ASPH: variants seen among roughly 807,000 people sequenced by gnomAD.
ASPH encodes aspartyl/asparaginyl beta-hydroxylase.
ASPH carries 100 observed loss-of-function variants against 118.4 expected under a neutral mutation model. The ratio of observed to expected loss-of-function variants is 0.84; its 90% CI spans 0.72 to 1.00. The LOEUF is 1.00. ASPH is among the 50% of genes least tolerant of loss of function. The pLI is 0.00. For missense variants in ASPH, 920 were observed against 919.5 expected, an observed-to-expected ratio of 1.00 and a Z score of -0.01; for synonymous variants, 315 against 325.6, an observed-to-expected ratio of 0.97 and a Z score of 0.35.
chr8:61,707,935 G>T (rs1323908104), intron 1 of ASPH, among the ~76,000 whole-genome samples: 2 of 152,104 alleles, frequency 1.3e-5, no homozygotes, highest in Non-Finnish European at 2.9e-5. Context: ...CAAATACATT[G>T]ATTTAATAAT....
At chr8:61,610,554 G>T (rs1410436209) in intron 14 of ASPH, among the ~76,000 whole-genome samples, 1 of 152,224 alleles carries the variant, frequency 6.6e-6, no homozygotes, top group Non-Finnish European at 1.5e-5. Context: ...TAAAACTACT[G>T]TAGCTGTTGA....
chr8:61,700,414 TAA>T (rs1320513876), intron 1 of ASPH, among the ~76,000 whole-genome samples: 1 of 152,150 alleles, frequency 6.6e-6, no homozygotes, highest in African/African-American at 2.4e-5. Flanking sequence ...GACAGACTTT[TAA>T]AAAGAGTGAC....
Position 61,643,452 on chromosome 8 carries a change from C to T in ASPH, c.710-19G>A. On this transcript the variant is annotated intron_variant, in intron 8 of 24. Transcript: ENST00000379454. ...CTGGAATCTAAAAAACAAAAACACA[C>T]CTTTGCCAAACAGGAAAAAACCAAA... is the stretch of plus-strand genomic sequence containing the variant. 6.2e-7 allele frequency: 1 copy of T among 1,600,096 alleles called. No individual in the cohort carries two copies. The highest frequency in any genetic ancestry group is 8.5e-7 in the Non-Finnish European group (1 of 1,178,988).
chr8:61,568,131 C>A (rs1245504788), intron 16 of ASPH, among the ~76,000 whole-genome samples: 1 of 151,866 alleles, frequency 6.6e-6, no homozygotes, highest in Non-Finnish European at 1.5e-5. Context: ...CAAAGTGAGA[C>A]GGGAAGACAA....
chr8:61,699,499 T>C (rs1834736415), intron 1 of ASPH, among the ~76,000 whole-genome samples: 1 of 152,150 alleles, frequency 6.6e-6, no homozygotes, highest in Non-Finnish European at 1.5e-5. Flanking sequence ...ATAAATGAAG[T>C]ATATTATCTC....
In ASPH at chr8:61,638,001, C is replaced by A. The variant is rs1477784606; in HGVS notation, c.835G>T (p.Val279Leu). Residue 279 changes from valine to leucine, a missense_variant and splice_region_variant, in exon 12 of 25, where the codon GTA (valine) becomes TTA (leucine). Val to Leu is a conservative substitution (Grantham distance 32). Coordinates refer to ENST00000379454, the MANE Select transcript of ASPH (RefSeq NM_004318.4). ...LENEGIEITEVTAPPEDNPVE... is the reference protein window; with the variant it reads ...LENEGIEITELTAPPEDNPVE... The stretch of plus-strand genomic sequence containing the variant: ...GGATTATCCTCAGGGGGAGCAGTTA[C>A]TTCTAAAATAAAGAATAAAATCAGA... 6.2e-7 allele frequency: 1 copy of A among 1,606,786 alleles called. No homozygotes were observed. The highest frequency in any genetic ancestry group is 2.2e-5 in the East Asian group (1 of 44,628).
chr8:61,669,983 T>C (rs543259963), intron 3 of ASPH, among the ~76,000 whole-genome samples: 5 of 152,250 alleles, frequency 3.3e-5, no homozygotes, highest in African/African-American at 1.2e-4. Context: ...GTGATAGAAA[T>C]GAACACATGA....
rs371512968 is a variant in ASPH at position 61,636,508 on chromosome 8, A to G, written c.889+1439T>C. ...TTGCTGTGAGAGATAAGCTCCCCTCACTGTCCACTCAGGCACTACAGGAGC... is the reference window on the plus strand; with the variant it reads ...TTGCTGTGAGAGATAAGCTCCCCTCGCTGTCCACTCAGGCACTACAGGAGC... On this transcript the variant is annotated intron_variant, in intron 12 of 24. Coordinates refer to ENST00000379454, the MANE Select transcript of ASPH (RefSeq NM_004318.4). 7.4e-4 allele frequency among the ~76,000 whole-genome samples: 112 copies of G among 152,208 alleles called. 1 individual carries two copies. Among genetic ancestry groups the G allele is most frequent in the African/African-American group, 2.4e-3 (100 of 41,546 alleles).
intron 15 of ASPH, chr8:61,579,666 A>G: frequency 6.9e-7 from 1 of 1,440,344 alleles, no homozygotes; most frequent in Non-Finnish European, 9.7e-7. Context: ...CATCCTGCCC[A>G]AGTGAACAGC....
intron 1 of ASPH, among the ~76,000 whole-genome samples, chr8:61,700,425 ACTG>A (rs1834959776): frequency 6.6e-6 from 1 of 152,246 alleles, no homozygotes; most frequent in Non-Finnish European, 1.5e-5. Context: ...AAAAAGAGTG[ACTG>A]AGATGTTAAG....
intron 18 of ASPH, among the ~76,000 whole-genome samples, chr8:61,557,567 G>A (rs1265265936): frequency 6.6e-6 from 1 of 152,090 alleles, no homozygotes; most frequent in Non-Finnish European, 1.5e-5. Context: ...TCTTTACCTT[G>A]TCTCACTTTT....
At chr8:61,658,781 AACACAC>A (rs1403348677) in intron 3 of ASPH, 6 of 152,124 alleles carry the variant, frequency 3.9e-5, no homozygotes, top group African/African-American at 1.4e-4. Context: ...GTTCTTCAAA[AACACAC>A]ACACACGGTT....
chr8:61,558,073 C>T lies in ASPH; in HGVS notation c.1438-2051G>A, dbSNP rs569716340. 3.9e-4 allele frequency among the ~76,000 whole-genome samples: 59 copies of T among 152,300 alleles called. No homozygotes were observed. In the South Asian group the frequency reaches 0.012, roughly 32 times the overall value. The stretch of plus-strand genomic sequence containing the variant: ...GGCATAGAAAGATAAATGAGATATA[C>T]TCTCTTTTCTCAGGGGGCTCTCACT... On this transcript the variant is annotated intron_variant, in intron 18 of 24. Coordinates refer to ENST00000379454, the MANE Select transcript of ASPH (RefSeq NM_004318.4).
At chr8:61,693,852 G>A (rs1833289351) in intron 1 of ASPH, among the ~76,000 whole-genome samples, 1 of 152,106 alleles carries the variant, frequency 6.6e-6, no homozygotes, top group Non-Finnish European at 1.5e-5. Context: ...AGCGACTCAT[G>A]AGCCTTTGTT....
chr8:61,654,129 C>T (rs1812450515), intron 3 of ASPH, among the ~76,000 whole-genome samples: 1 of 152,112 alleles, frequency 6.6e-6, no homozygotes, highest in South Asian at 2.1e-4. Flanking sequence ...AAAAAGAAAT[C>T]ATACATAACT....
chr8:61,663,313 C>T (rs1196193736), intron 3 of ASPH: 1 of 985,212 alleles, frequency 1.0e-6, no homozygotes, highest in African/African-American at 1.7e-5. Flanking sequence ...TCACCATCCT[C>T]AACTACAAAA....
chr8:61,622,687 T>A (rs923121403), intron 13 of ASPH, among the ~76,000 whole-genome samples: 2 of 152,188 alleles, frequency 1.3e-5, no homozygotes, highest in Non-Finnish European at 2.9e-5. Context: ...CTCCCTCCAA[T>A]GGCTTCCACC....
chr8:61,576,845 T>A lies in ASPH; in HGVS notation c.1076A>T (p.Glu359Val). 2 of 1,606,998 alleles carry A rather than the reference T, an allele frequency of 1.2e-6. No homozygotes were observed. Among genetic ancestry groups the A allele is most frequent in the Non-Finnish European group, 1.7e-6 (2 of 1,176,210 alleles). ...TAGTTCTTTAAATGCATTCACTGCTTCCTCAATTTTTCCCTGTTAGAAAGA... is the reference window on the plus strand; with the variant it reads ...TAGTTCTTTAAATGCATTCACTGCTACCTCAATTTTTCCCTGTTAGAAAGA... ...EKLRKRGKIEEAVNAFKELVR... is the reference protein window; with the variant it reads ...EKLRKRGKIEVAVNAFKELVR... Residue 359 changes from glutamate to valine, a missense_variant, in exon 16 of 25, where the codon GAA becomes GTA. Glu to Val is a moderately radical substitution (Grantham distance 121, BLOSUM62 -2). Coordinates refer to ENST00000379454, the MANE Select transcript of ASPH (RefSeq NM_004318.4).
intron 17 of ASPH, among the ~76,000 whole-genome samples, chr8:61,565,916 A>G (rs921815000): frequency 6.6e-5 from 10 of 152,214 alleles, no homozygotes; most frequent in Non-Finnish European, 1.0e-4. Context: ...CTTGTGCTCT[A>G]TAAATGGGAA....
Sources: allele counts gnomAD v4.1 joint callset (sites outside exome capture counted in the v4.1 genomes callset), GRCh38; gene constraint gnomAD v4.1.1; transcripts MANE v1.5; gene names NCBI Gene and HGNC (gene_info 2026-07-23, HGNC 2026-07-21).